SLCO6A1: variants seen among roughly 807,000 people sequenced by gnomAD.
The protein encoded by SLCO6A1 is cancer/testis antigen 48.
Under a neutral mutation model 72.7 loss-of-function variants are expected in SLCO6A1, and 65 were observed. The observed-to-expected ratio is 0.89, with a 90% CI of 0.73 to 1.10. The LOEUF is 1.10. Ranked by LOEUF, SLCO6A1 falls within the 50% of genes least tolerant of loss-of-function variation. The probability of loss-of-function intolerance (pLI) is 0.00; values close to 1 mark genes in which losing one functional copy is unlikely to be tolerated. For missense variants in SLCO6A1, 874 were observed against 872.6 expected (o/e 1.00, Z -0.02); for synonymous variants, 314 against 298.2 (o/e 1.05, Z -0.55).
intron 7 of SLCO6A1, among the ~76,000 whole-genome samples, chr5:102,424,333 G>T (rs1268466057): frequency 6.6e-6 from 1 of 152,016 alleles, no homozygotes; most frequent in East Asian, 1.9e-4. Context: ...GAATCAAGGA[G>T]CTAGTTTTTT....
chr5:102,406,727 C>T (rs1314703073), intron 9 of SLCO6A1, among the ~76,000 whole-genome samples: 2 of 151,988 alleles, frequency 1.3e-5, no homozygotes, highest in African/African-American at 4.8e-5. Context: ...TGTAGAATTT[C>T]ACCAGAGATT....
intron 4 of SLCO6A1, among the ~76,000 whole-genome samples, chr5:102,466,426 T>C (rs1480792403): frequency 3.9e-5 from 6 of 152,306 alleles, no homozygotes; most frequent in East Asian, 1.9e-4. Flanking sequence ...CAGTCTATCA[T>C]TGATGGGCAT....
chr5:102,468,570 T>A (rs1751427537), intron 4 of SLCO6A1, among the ~76,000 whole-genome samples: 1 of 152,098 alleles, frequency 6.6e-6, no homozygotes, highest in Non-Finnish European at 1.5e-5. Context: ...CTAGACTTTT[T>A]ATCATTTTAT....
In SLCO6A1 at chr5:102,388,777, C is replaced by T. The variant is rs1746569003; in HGVS notation, c.1928G>A (p.Cys643Tyr). The T allele has an allele frequency of 1.2e-6, 2 of 1,608,048 alleles. No homozygotes were observed. The highest frequency in any genetic ancestry group is 1.7e-6 in the Non-Finnish European group (2 of 1,178,140). ...ACATTTATTAACATCCCGTAAAATACAAGAAGTTTCTCCTGACATTTTAAA... is the reference window on the plus strand; with the variant it reads ...ACATTTATTAACATCCCGTAAAATATAAGAAGTTTCTCCTGACATTTTAAA... ...SIFKMSGETS[C>Y]ILRDVNKCGH... The change falls in exon 12 of 14, where the codon TGT becomes TAT. Residue 643 changes from cysteine to tyrosine, a missense_variant. Cys to Tyr is a radical substitution (Grantham distance 194). Transcript: ENST00000506729.
At chr5:102,482,287 A>G (rs1752235092) in intron 1 of SLCO6A1, among the ~76,000 whole-genome samples, 1 of 152,330 alleles carries the variant, frequency 6.6e-6, no homozygotes, top group South Asian at 2.1e-4. Context: ...ATATAAACAT[A>G]TATACACGCA....
intron 6 of SLCO6A1, among the ~76,000 whole-genome samples, chr5:102,456,048 T>A (rs572298084): frequency 6.6e-6 from 1 of 152,240 alleles, no homozygotes; most frequent in African/African-American, 2.4e-5. Context: ...TTTGACAAAA[T>A]TCAATAACCC....
At chr5:102,454,278 A>C (rs145398841) in intron 6 of SLCO6A1, among the ~76,000 whole-genome samples, 1 of 152,204 alleles carries the variant, frequency 6.6e-6, no homozygotes, top group Admixed American at 6.5e-5. Context: ...GGGAGGAAAG[A>C]AAAGACAATG....
intron 1 of SLCO6A1, among the ~76,000 whole-genome samples, chr5:102,489,205 C>G (rs909679777): frequency 2.6e-5 from 4 of 152,184 alleles, no homozygotes; most frequent in African/African-American, 4.8e-5. Context: ...GCAGGATACA[C>G]GCAACCTCAG....
chr5:102,389,452 A>C (rs7728162), intron 11 of SLCO6A1, among the ~76,000 whole-genome samples: 30,244 of 56,938 alleles, frequency 0.53, 8,587 homozygotes, highest in Middle Eastern at 0.58. Flanking sequence ...CCCGCCCCCC[A>C]CCCCCACACA....
At chr5:102,433,287 T>A (rs976824042) in intron 7 of SLCO6A1, among the ~76,000 whole-genome samples, 19 of 152,182 alleles carry the variant, frequency 1.2e-4, no homozygotes, top group Admixed American at 1.2e-3. Context: ...CTAAGACTGG[T>A]TAAGGACCCT....
At chr5:102,404,923 A>G (rs1747592868) in intron 9 of SLCO6A1, among the ~76,000 whole-genome samples, 1 of 152,200 alleles carries the variant, frequency 6.6e-6, no homozygotes, top group African/African-American at 2.4e-5. Flanking sequence ...CAAAACTTTA[A>G]TTCAAAACAT....
At chr5:102,390,668 A>G (rs1416233900) in intron 11 of SLCO6A1, among the ~76,000 whole-genome samples, 2 of 152,166 alleles carry the variant, frequency 1.3e-5, no homozygotes, top group African/African-American at 4.8e-5. Context: ...CAAGCAATGT[A>G]AAGTATTACA....
At chr5:102,409,247 GTA>G (rs1417069883) in intron 9 of SLCO6A1, among the ~76,000 whole-genome samples, 6 of 152,058 alleles carry the variant, frequency 3.9e-5, no homozygotes, top group African/African-American at 1.4e-4. Context: ...ATCGTTAGAG[GTA>G]TAGTATTTCC....
intron 12 of SLCO6A1, among the ~76,000 whole-genome samples, chr5:102,385,938 T>C (rs1746394983): frequency 6.6e-6 from 1 of 151,530 alleles, no homozygotes; most frequent in Admixed American, 6.6e-5. Context: ...GCCTCTCAAG[T>C]AGCTGGAATT....
At chr5:102,385,808 A>AC (rs1410158676) in intron 12 of SLCO6A1, among the ~76,000 whole-genome samples, 1 of 120,924 alleles carries the variant, frequency 8.3e-6, no homozygotes, top group African/African-American at 3.1e-5. Context: ...ACAAGTCTCC[A>AC]TTTTTCTCCT....
Position 102,477,828 on chromosome 5 carries a change from C to A in SLCO6A1, c.650G>T (p.Cys217Phe). 1 of 1,606,658 alleles carries A rather than the reference C, an allele frequency of 6.2e-7. No individual in the cohort carries two copies. Among genetic ancestry groups the A allele is most frequent in the Non-Finnish European group, 8.5e-7 (1 of 1,177,580 alleles). The change falls in exon 3 of 14, where the codon TGC becomes TTC. Residue 217 changes from cysteine to phenylalanine, a missense_variant. By Grantham distance (205) the Cys-to-Phe change is radical. Transcript: ENST00000506729. ...ICEEIKVVSGCQSSGISFQSK... is the reference protein window; with the variant it reads ...ICEEIKVVSGFQSSGISFQSK... Reference sequence around the variant, plus strand: ...TTGGAATGATATACCACTGCTCTGGCAACCACTGACAACCTTTATTTCTTC... The same window carrying A: ...TTGGAATGATATACCACTGCTCTGGAAACCACTGACAACCTTTATTTCTTC...
At chr5:102,465,089 T>C (rs555639513) in intron 4 of SLCO6A1, among the ~76,000 whole-genome samples, 1 of 152,276 alleles carries the variant, frequency 6.6e-6, no homozygotes, top group African/African-American at 2.4e-5. Context: ...ATAATTCAAA[T>C]ATATTTGCAA....
At chr5:102,480,496 T>C (rs1752141129) in intron 1 of SLCO6A1, 62 bp from the exon 2 acceptor site, 3 of 1,464,222 alleles carry the variant, frequency 2.0e-6, no homozygotes, top group Non-Finnish European at 2.8e-6. Context: ...ATTATGATTA[T>C]TACAAAGCAA....
At chr5:102,435,427 AC>A (rs58251873) in intron 7 of SLCO6A1, among the ~76,000 whole-genome samples, 4,485 of 152,252 alleles carry the variant, frequency 0.029, 209 homozygotes, top group African/African-American at 0.1. Flanking sequence ...ATGAATTGTT[AC>A]CCAACGTGCC....
Sources: gnomAD v4.1 joint callset for allele counts (sites outside exome capture counted in the v4.1 genomes callset) on GRCh38, gnomAD v4.1.1 for gene constraint, MANE v1.5 for transcripts, NCBI Gene and HGNC (gene_info 2026-07-23, HGNC 2026-07-21) for gene names.